Variants in GSK3B observed in about 807,000 individuals in gnomAD.
The protein encoded by GSK3B is glycogen synthase kinase 3 beta, also known as glycogen synthase kinase-3 beta.
A neutral mutation model predicts 56.4 loss-of-function variants in GSK3B; 15 were observed. The ratio of observed to expected loss-of-function variants is 0.27; its 90% CI spans 0.18 to 0.41. GSK3B has a LOEUF of 0.41. Ranked by LOEUF, GSK3B falls within the 10% of genes least tolerant of loss-of-function variation. The pLI is 1.00. For synonymous variants in GSK3B, 181 were observed against 188.9 expected (o/e 0.96, Z 0.34); for missense variants, 300 against 513.4 (o/e 0.58, Z 4.02).
chr3:119,998,341 G>A (rs2057644212), intron 2 of GSK3B, among the ~76,000 whole-genome samples: 1 of 152,162 alleles, frequency 6.6e-6, no homozygotes, highest in South Asian at 2.1e-4. Flanking sequence ...CAGTGAACAG[G>A]CCCATGTGGC....
At chr3:120,046,318 G>A (rs1029892548) in intron 1 of GSK3B, among the ~76,000 whole-genome samples, 6 of 152,158 alleles carry the variant, frequency 3.9e-5, no homozygotes, top group Non-Finnish European at 8.8e-5. Context: ...TTCATCAATT[G>A]TAACAAATGT....
chr3:119,917,904 A>C (rs72967191), intron 4 of GSK3B, among the ~76,000 whole-genome samples: 2,588 of 152,230 alleles, frequency 0.017, 64 homozygotes, highest in African/African-American at 0.059. Flanking sequence ...CAAAAACAAG[A>C]ACAGAAAAAC....
chr3:119,877,138 G>C (rs531536415), intron 7 of GSK3B, among the ~76,000 whole-genome samples: 1 of 151,972 alleles, frequency 6.6e-6, no homozygotes, highest in Non-Finnish European at 1.5e-5. Context: ...TCATAAAAAA[G>C]ATTACCATAC....
intron 1 of GSK3B, among the ~76,000 whole-genome samples, chr3:120,072,535 C>T (rs945037583): frequency 2.6e-5 from 4 of 151,960 alleles, no homozygotes; most frequent in South Asian, 2.1e-4. Context: ...TGCCATGAGC[C>T]GAGATCATGC....
chr3:119,959,506 CTTTTTT>C (rs34702117), intron 2 of GSK3B, among the ~76,000 whole-genome samples: 23 of 89,182 alleles, frequency 2.6e-4, no homozygotes, highest in African/African-American at 5.1e-4. Flanking sequence ...TTCTCTCTGA[CTTTTTT>C]TTTTTTTTTT....
intron 5 of GSK3B, among the ~76,000 whole-genome samples, chr3:119,913,535 C>T (rs1177164771): frequency 2.0e-5 from 3 of 151,540 alleles, no homozygotes; most frequent in Admixed American, 6.6e-5. Flanking sequence ...AGATGTCGCC[C>T]AAGATAATCC....
intron 1 of GSK3B, chr3:120,029,822 C>A (rs530918841): frequency 3.6e-6 from 2 of 552,314 alleles, no homozygotes; most frequent in Non-Finnish European, 7.4e-6. Context: ...AAATCTGGCA[C>A]GAAATGAGGA....
Position 120,093,480 on chromosome 3 carries a change from T to C in GSK3B, c.-46A>G, listed in dbSNP as rs1220378927. 1.6e-6 allele frequency: 2 copies of C among 1,272,066 alleles called. No individual in the cohort carries two copies. The highest frequency in any genetic ancestry group is 2.3e-6 in the Non-Finnish European group (2 of 869,308). The allele number at this position is 1,272,066 out of a possible 1,614,324, so 78.8% of individuals were successfully genotyped here. A position where few individuals can be genotyped will look rare whatever the true frequency, so the allele number is the denominator to read the frequency against. ...ACCTTTTCCTTCCTTCCTCCTTTTCTTCCTTTTGTCTTTATGTTGGGGTGT... is the reference window on the plus strand; with the variant it reads ...ACCTTTTCCTTCCTTCCTCCTTTTCCTCCTTTTGTCTTTATGTTGGGGTGT... On this transcript the variant is annotated 5_prime_UTR_variant, in exon 1 of 11. Coordinates refer to ENST00000264235, the MANE Select transcript of GSK3B (RefSeq NM_001146156.2).
chr3:119,940,756 C>T lies in GSK3B; in HGVS notation c.366+6512G>A, dbSNP rs55695126. ...AATAAAACACCCAAGCTAGCTCCCT[C>T]GAAAAAATGCACAATCTTTATTTTA... On this transcript the variant is annotated intron_variant, in intron 3 of 10. Coordinates refer to ENST00000264235, the MANE Select transcript of GSK3B (RefSeq NM_001146156.2). 6.4e-3 allele frequency among the ~76,000 whole-genome samples: 967 copies of T among 152,052 alleles called. 12 individuals are homozygous for T. The highest frequency in any genetic ancestry group is 0.02 in the African/African-American group (821 of 41,494).
At chr3:119,936,354 A>C (rs55765160) in intron 3 of GSK3B, among the ~76,000 whole-genome samples, 1 of 125,746 alleles carries the variant, frequency 8.0e-6, no homozygotes, top group Non-Finnish European at 1.7e-5. Flanking sequence ...ATATATATAT[A>C]TTTTTTTTTT....
chr3:119,942,116 T>G (rs560814457), intron 3 of GSK3B, among the ~76,000 whole-genome samples: 1 of 152,194 alleles, frequency 6.6e-6, no homozygotes, highest in Non-Finnish European at 1.5e-5. Flanking sequence ...TCTTTGTTAT[T>G]TGAACAGTCT....
Position 119,933,339 on chromosome 3 carries a change from TG to T in GSK3B, c.367-9857del, listed in dbSNP as rs148118889. Among the ~76,000 whole-genome samples, 19 of 152,312 alleles carry T rather than the reference TG, an allele frequency of 1.2e-4. No homozygotes were observed. The East Asian group carries it at 3.5e-3, about 28-fold the overall frequency. On this transcript the variant is annotated intron_variant, in intron 3 of 10. Coordinates refer to ENST00000264235, the MANE Select transcript of GSK3B (RefSeq NM_001146156.2). ...GAAAGTCCAAACTCATGCAATCTAT[TG>T]GGCAGGCAATGGGTTATTAATTCAG...
chr3:119,880,084 A>G (rs1019511620), intron 7 of GSK3B, among the ~76,000 whole-genome samples: 7 of 151,616 alleles, frequency 4.6e-5, no homozygotes, highest in African/African-American at 9.8e-5. Flanking sequence ...CATCGCCACC[A>G]GCAACATAAC....
chr3:119,922,362 CTACA>C (rs1397011247), intron 4 of GSK3B, among the ~76,000 whole-genome samples: 3 of 147,164 alleles, frequency 2.0e-5, no homozygotes, highest in East Asian at 2.0e-4. Flanking sequence ...ATGATATACA[CTACA>C]TATAGTATAG....
chr3:119,953,657 C>T (rs754977307), intron 2 of GSK3B, among the ~76,000 whole-genome samples: 10 of 152,058 alleles, frequency 6.6e-5, no homozygotes, highest in African/African-American at 2.2e-4. Context: ...TCTATATTAT[C>T]GCTAGATGCT....
intron 4 of GSK3B, 137 bp downstream of exon 4, chr3:119,923,236 A>G: frequency 2.0e-6 from 1 of 492,564 alleles, no homozygotes; most frequent in Non-Finnish European, 3.6e-6. Context: ...AGGATTTAAC[A>G]AAGTTCCAAC....
At chr3:119,967,760 CCTTTT>C (rs765333780) in intron 2 of GSK3B, among the ~76,000 whole-genome samples, 1 of 151,304 alleles carries the variant, frequency 6.6e-6, no homozygotes, top group Non-Finnish European at 1.5e-5. Flanking sequence ...CCCCTCCCCT[CCTTTT>C]CTTTTCTTTC....
At position 120,027,364 on chromosome 3, in the gene GSK3B, G is replaced by A. The variant is rs574268300; in HGVS notation, c.89-25125C>T. On this transcript the variant is annotated intron_variant, in intron 1 of 10. Transcript: ENST00000264235. The stretch of plus-strand genomic sequence containing the variant: ...AGCACTCCAGCCTGGGTGACTGAGC[G>A]AGACTCTGTCTCAGGAAAAAAAAAA... Among the ~76,000 whole-genome samples, 71 of 149,030 alleles carry A rather than the reference G, an allele frequency of 4.8e-4. No individual in the cohort carries two copies. The Middle Eastern group carries it at 0.017, about 36-fold the overall frequency.
intron 1 of GSK3B, among the ~76,000 whole-genome samples, chr3:120,063,274 A>T (rs916086319): frequency 1.3e-5 from 2 of 152,220 alleles, no homozygotes; most frequent in African/African-American, 4.8e-5. Flanking sequence ...GTGCACTTCT[A>T]TACTGTTTTG....
Sources: allele counts gnomAD v4.1 joint callset (sites outside exome capture counted in the v4.1 genomes callset), GRCh38; gene constraint gnomAD v4.1.1; transcripts MANE v1.5; gene names NCBI Gene and HGNC (gene_info 2026-07-23, HGNC 2026-07-21).